Variants in ABLIM3 observed in about 807,000 individuals in gnomAD.
The protein encoded by ABLIM3 is actin-binding LIM protein 3.
In ABLIM3, 61 loss-of-function variants were observed where a neutral mutation model predicts 109.5. That is an observed-to-expected ratio of 0.56 (90% CI 0.45 to 0.69). ABLIM3 has a LOEUF of 0.69. ABLIM3 is among the 30% of genes least tolerant of loss of function. ABLIM3 has a pLI of 0.00. For missense variants in ABLIM3, 796 were observed against 889.5 expected (o/e 0.89, Z 1.34); for synonymous variants, 300 against 324.8 (o/e 0.92, Z 0.82).
intron 2 of ABLIM3, among the ~76,000 whole-genome samples, chr5:149,177,257 A>T (rs1429802828): frequency 2.0e-5 from 3 of 152,204 alleles, no homozygotes; most frequent in Non-Finnish European, 4.4e-5. Flanking sequence ...AGGTATTCAT[A>T]CAATGAATGC....
At chr5:149,246,873 C>A (rs887190619) in intron 17 of ABLIM3, among the ~76,000 whole-genome samples, 2 of 152,082 alleles carry the variant, frequency 1.3e-5, no homozygotes, top group African/African-American at 4.8e-5. Flanking sequence ...TTGTTTCAGC[C>A]CCTGTGGAAA....
At chr5:149,196,508 G>T (rs1330165067) in intron 3 of ABLIM3, among the ~76,000 whole-genome samples, 1 of 152,226 alleles carries the variant, frequency 6.6e-6, no homozygotes, top group Non-Finnish European at 1.5e-5. Flanking sequence ...TGGATGAGAG[G>T]TGTGACCTTG....
In ABLIM3 at chr5:149,180,174, C is replaced by T. The variant is rs17722612; in HGVS notation, c.14-3278C>T. Among the ~76,000 whole-genome samples the T allele has an allele frequency of 0.012, 1,831 of 152,246 alleles. 84 individuals carry two copies. The East Asian group carries it at 0.15, about 13-fold the overall frequency. ...ACATAAGAGGTAGTTCAAATATTCA[C>T]GTGTAAGTCAATTTGGAATTCAAAA... is the stretch of plus-strand genomic sequence containing the variant. On this transcript the variant is annotated intron_variant, in intron 2 of 23. Transcript: ENST00000309868.
In ABLIM3 at chr5:149,167,600, T is replaced by C. The variant is rs572347453; in HGVS notation, c.14-15852T>C. Among the ~76,000 whole-genome samples the C allele has an allele frequency of 5.0e-4, 76 of 152,354 alleles. 1 individual carries two copies. Among genetic ancestry groups the C allele is most frequent in the African/African-American group, 1.8e-3 (76 of 41,586 alleles). On this transcript the variant is annotated intron_variant, in intron 2 of 23. Coordinates refer to ENST00000309868, the MANE Select transcript of ABLIM3 (RefSeq NM_014945.5). ...AATCATTGTGTTTTTTAATTGCACA[T>C]GAATTGTACAAAGTAAATTATTTTT...
chr5:149,253,621 G>A (rs17709363), intron 23 of ABLIM3, among the ~76,000 whole-genome samples: 36 of 152,274 alleles, frequency 2.4e-4, no homozygotes, highest in African/African-American at 7.2e-4. Context: ...GGATGTAGAC[G>A]GACTAGAAAG....
Position 149,183,538 on chromosome 5 carries a change from G to A in ABLIM3, c.100G>A (p.Val34Met). The change falls in exon 3 of 24, where the codon GTG becomes ATG. Residue 34 changes from valine to methionine, a missense_variant. Physicochemically the swap from Val to Met is conservative, Grantham distance 21. Transcript: ENST00000309868. ...YRCGDTCKGEVVRVHNNHFHI... is the reference protein window; with the variant it reads ...YRCGDTCKGEMVRVHNNHFHI... ...CTGTGGAGACACCTGCAAAGGGGAA[G>A]TGGTCCGCGTGCACAACAACCACTT... The A allele has an allele frequency of 6.3e-7, 1 of 1,597,056 alleles. No individual in the cohort carries two copies. Among genetic ancestry groups the A allele is most frequent in the Non-Finnish European group, 8.5e-7 (1 of 1,172,220 alleles).
chr5:149,259,205 G>T lies in ABLIM3; in HGVS notation c.*801G>T. ...TGGAGCAGGGCACCTGTTAGAATCA[G>T]AGCTGCAGGATTTCTTGGGACCCTC... On this transcript the variant is annotated 3_prime_UTR_variant, in exon 24 of 24. Coordinates refer to ENST00000309868, the MANE Select transcript of ABLIM3 (RefSeq NM_014945.5). The T allele has an allele frequency of 8.8e-7, 1 of 1,133,800 alleles. No homozygotes were observed. The highest frequency in any genetic ancestry group is 1.1e-6 in the Non-Finnish European group (1 of 922,576). 70.2% of individuals were successfully genotyped at this position (1,133,800 alleles called of 1,614,324 possible).
At chr5:149,181,575 A>C (rs952069046) in intron 2 of ABLIM3, among the ~76,000 whole-genome samples, 1 of 152,222 alleles carries the variant, frequency 6.6e-6, no homozygotes, top group Non-Finnish European at 1.5e-5. Flanking sequence ...GTCAGAAGCC[A>C]GTTTCAGTGC....
chr5:149,205,852 C>T (rs1758914135), intron 5 of ABLIM3, among the ~76,000 whole-genome samples: 1 of 152,134 alleles, frequency 6.6e-6, no homozygotes, highest in African/African-American at 2.4e-5. Flanking sequence ...CATCAAGGCC[C>T]CAGACCCTCC....
chr5:149,202,302 A>C (rs551529402), intron 5 of ABLIM3, among the ~76,000 whole-genome samples: 2 of 152,340 alleles, frequency 1.3e-5, no homozygotes, highest in East Asian at 3.9e-4. Context: ...GAAGGTGAGG[A>C]AAAAGTGAGT....
chr5:149,201,026 A>C (rs965854628), intron 5 of ABLIM3, among the ~76,000 whole-genome samples: 1 of 152,152 alleles, frequency 6.6e-6, no homozygotes, highest in Non-Finnish European at 1.5e-5. Flanking sequence ...ATTCAGAACC[A>C]CTGTCTAGGG....
rs575302942 is a variant in ABLIM3 at position 149,239,076 on chromosome 5, A to G, written c.1045-172A>G. Among the ~76,000 whole-genome samples the G allele has an allele frequency of 2.0e-5, 3 of 152,172 alleles. No homozygotes were observed. The South Asian group carries it at 6.2e-4, about 32-fold the overall frequency. ...ATCTCGAGGTTTCCTGCCTCCTGTC[A>G]GTAGTCTGACCCTCTGGAATTCCCA... On this transcript the variant is annotated intron_variant, in intron 11 of 23. Transcript: ENST00000309868.
intron 11 of ABLIM3, among the ~76,000 whole-genome samples, chr5:149,238,425 A>T (rs10036768): frequency 0.41 from 61,733 of 151,878 alleles, 12,886 homozygotes; most frequent in East Asian, 0.59. Context: ...CATTTGGTTG[A>T]AGAGCCCAGT....
chr5:149,253,392 A>G (rs998248037), intron 23 of ABLIM3, among the ~76,000 whole-genome samples: 1 of 151,544 alleles, frequency 6.6e-6, no homozygotes, highest in Non-Finnish European at 1.5e-5. Context: ...CCAAGCGACA[A>G]CCTCACTGCA....
At chr5:149,177,596 G>A (rs905183834) in intron 2 of ABLIM3, among the ~76,000 whole-genome samples, 5 of 152,190 alleles carry the variant, frequency 3.3e-5, no homozygotes, top group African/African-American at 9.7e-5. Context: ...GAGATAGGGG[G>A]AGAAAGAAGA....
At chr5:149,190,146 C>G (rs760061169) in intron 3 of ABLIM3, among the ~76,000 whole-genome samples, 1 of 151,918 alleles carries the variant, frequency 6.6e-6, no homozygotes, top group South Asian at 2.1e-4. Flanking sequence ...ATGAAATGCT[C>G]AAAACAGGCA....
At chr5:149,244,821 T>C in intron 15 of ABLIM3, 60 bp from the exon 16 acceptor site, 1 of 1,611,504 alleles carries the variant, frequency 6.2e-7, no homozygotes, top group Non-Finnish European at 8.5e-7. Flanking sequence ...AGGAAAAGGG[T>C]ACACAGTCCC....
intron 23 of ABLIM3, among the ~76,000 whole-genome samples, chr5:149,256,515 C>A (rs1020638120): frequency 2.0e-5 from 3 of 152,176 alleles, no homozygotes; most frequent in African/African-American, 7.2e-5. Context: ...GGTCCTAGTT[C>A]AGATAAACCA....
At chr5:149,189,982 A>G (rs777084629) in intron 3 of ABLIM3, among the ~76,000 whole-genome samples, 4 of 152,250 alleles carry the variant, frequency 2.6e-5, no homozygotes, top group Non-Finnish European at 4.4e-5. Context: ...CAACAAATGA[A>G]TGGATAAATA....
Sources: allele counts gnomAD v4.1 joint callset (sites outside exome capture counted in the v4.1 genomes callset), GRCh38; gene constraint gnomAD v4.1.1; transcripts MANE v1.5; gene names NCBI Gene and HGNC (gene_info 2026-07-23, HGNC 2026-07-21).